The following PYM1 variants were observed in gnomAD, a reference collection of about 807,000 sequenced individuals.
PYM1 encodes the protein PYM1 exon junction complex associated factor.
Under a neutral mutation model 20.7 loss-of-function variants are expected in PYM1, and 7 were observed. The ratio of observed to expected loss-of-function variants is 0.34; its 90% CI spans 0.19 to 0.64. The LOEUF is 0.64. Among genes scored for constraint, PYM1 ranks in the 30% least tolerant of loss-of-function variants. The pLI, the probability that PYM1 is intolerant of heterozygous loss-of-function variation, is 0.74. For missense variants in PYM1, 194 were observed against 250.0 expected, an observed-to-expected ratio of 0.78 and a Z score of 1.51; for synonymous variants, 100 against 99.2, an observed-to-expected ratio of 1.01 and a Z score of -0.05.
chr12:55,920,823 T>C (rs905713346), intron 1 of PYM1, among the ~76,000 whole-genome samples: 1 of 152,156 alleles, frequency 6.6e-6, no homozygotes, highest in Non-Finnish European at 1.5e-5. Flanking sequence ...TTTTAAAAGA[T>C]GTTTACAGAG....
chr12:55,921,731 T>A (rs1883100919), intron 1 of PYM1, among the ~76,000 whole-genome samples: 1 of 152,076 alleles, frequency 6.6e-6, no homozygotes, highest in Admixed American at 6.6e-5. Context: ...TTCCCAATGT[T>A]CAAAACTGGA....
At chr12:55,916,808 G>GA (rs1260156398) in intron 1 of PYM1, among the ~76,000 whole-genome samples, 2 of 151,080 alleles carry the variant, frequency 1.3e-5, no homozygotes, top group East Asian at 3.9e-4. Context: ...CTCAAAAAAA[G>GA]AAAAAAAGAA....
At chr12:55,903,152 G>C (rs1882726495) in intron 2 of PYM1, among the ~76,000 whole-genome samples, 1 of 152,120 alleles carries the variant, frequency 6.6e-6, no homozygotes, top group Non-Finnish European at 1.5e-5. Context: ...GAAGTCCCTA[G>C]AACCTAAAGC....
At chr12:55,913,937 T>A (rs978778632) in intron 1 of PYM1, 3 of 184,326 alleles carry the variant, frequency 1.6e-5, no homozygotes, top group African/African-American at 7.1e-5. Flanking sequence ...AGAGTATACA[T>A]TCTAGTGAGA....
At chr12:55,922,726 A>T (rs1305865135) in intron 1 of PYM1, among the ~76,000 whole-genome samples, 1 of 152,194 alleles carries the variant, frequency 6.6e-6, no homozygotes, top group Non-Finnish European at 1.5e-5. Context: ...CAAAACACAT[A>T]ACCCAAATCT....
intron 1 of PYM1, among the ~76,000 whole-genome samples, chr12:55,924,974 C>T (rs973893784): frequency 2.6e-5 from 4 of 152,234 alleles, no homozygotes; most frequent in Admixed American, 6.5e-5. Flanking sequence ...CGTGAGCCGC[C>T]ATGCCCAGCA....
intron 1 of PYM1, among the ~76,000 whole-genome samples, chr12:55,921,851 A>C (rs1183717340): frequency 3.3e-5 from 5 of 152,178 alleles, no homozygotes; most frequent in Non-Finnish European, 7.3e-5. Flanking sequence ...GAAAAGAAAA[A>C]AATCTCCTGG....
chr12:55,909,405 C>T (rs1005433796), intron 1 of PYM1, among the ~76,000 whole-genome samples: 1 of 152,136 alleles, frequency 6.6e-6, no homozygotes, highest in Non-Finnish European at 1.5e-5. Context: ...ATGTTCAGAC[C>T]TTGAATACCA....
intron 1 of PYM1, among the ~76,000 whole-genome samples, chr12:55,908,837 G>T (rs1882871316): frequency 6.6e-6 from 1 of 151,840 alleles, no homozygotes; most frequent in African/African-American, 2.4e-5. Context: ...GGGTGACAGA[G>T]CAAGACTCTG....
chr12:55,908,716 T>C (rs920632121), intron 1 of PYM1, among the ~76,000 whole-genome samples: 6 of 151,466 alleles, frequency 4.0e-5, no homozygotes, highest in African/African-American at 1.5e-4. Flanking sequence ...CCAGGAGTGG[T>C]GGCTGGGCGT....
At chr12:55,923,903 C>G (rs1156390746) in intron 1 of PYM1, among the ~76,000 whole-genome samples, 2 of 151,924 alleles carry the variant, frequency 1.3e-5, no homozygotes, top group Non-Finnish European at 2.9e-5. Context: ...TGATGAAACC[C>G]TGTCTCTACT....
rs369831400 is a variant in PYM1 at position 55,901,503 on chromosome 12, G to A, written c.*369C>T. On this transcript the variant is annotated 3_prime_UTR_variant, in exon 3 of 3. Coordinates refer to ENST00000408946, the MANE Select transcript of PYM1 (RefSeq NM_032345.3). ...GAGAGGGAAATAACCCATAAACACC[G>A]CGAACAGGAACCAAGACTCCAAGAC... 104 of 181,580 alleles carry A rather than the reference G, an allele frequency of 5.7e-4. No individual in the cohort carries two copies. The highest frequency in any genetic ancestry group is 3.4e-4 in the African/African-American group (14 of 41,632). The allele number at this position is 181,580 out of a possible 1,614,324, so 11.2% of individuals were successfully genotyped here. A position where few individuals can be genotyped will look rare whatever the true frequency, so the allele number is the denominator to read the frequency against.
At chr12:55,917,179 G>C (rs965068889) in intron 1 of PYM1, among the ~76,000 whole-genome samples, 3 of 152,050 alleles carry the variant, frequency 2.0e-5, no homozygotes, top group Non-Finnish European at 2.9e-5. Context: ...CAGCACTTTG[G>C]GAGACCAAGA....
In PYM1 at chr12:55,909,988, C is replaced by T. The variant is rs148589469; in HGVS notation, c.38-6508G>A. ...GCCAAGATGGGAGGATCCCTTGAGC[C>T]CAGGCATTCAAGACCAGCCTGAGCA... On this transcript the variant is annotated intron_variant, in intron 1 of 2. Coordinates refer to ENST00000408946, the MANE Select transcript of PYM1 (RefSeq NM_032345.3). Among the ~76,000 whole-genome samples, 22 of 152,070 alleles carry T rather than the reference C, an allele frequency of 1.4e-4. 1 individual carries two copies. The East Asian group carries it at 4.3e-3, about 29-fold the overall frequency.
chr12:55,916,588 A>G (rs1347073630), intron 1 of PYM1, among the ~76,000 whole-genome samples: 1 of 152,124 alleles, frequency 6.6e-6, no homozygotes, highest in East Asian at 1.9e-4. Context: ...ACCTGAGGTC[A>G]GGAGTTCAAG....
rs1315713587 is a variant in PYM1, at chr12:55,912,874, G to C, written c.38-9394C>G. The stretch of plus-strand genomic sequence containing the variant: ...AGCTACTTGGGAGCCTGAGGCAGGA[G>C]AATCACTTGAACCCGGGAGGCGGAG... On this transcript the variant is annotated intron_variant, in intron 1 of 2. Coordinates refer to ENST00000408946, the MANE Select transcript of PYM1 (RefSeq NM_032345.3). Among the ~76,000 whole-genome samples the C allele has an allele frequency of 6.0e-5, 9 of 150,636 alleles. No homozygotes were observed. In the East Asian group the frequency reaches 1.8e-3, roughly 30 times the overall value.
intron 1 of PYM1, among the ~76,000 whole-genome samples, chr12:55,917,190 C>T (rs970240263): frequency 2.0e-5 from 3 of 151,698 alleles, no homozygotes; most frequent in Non-Finnish European, 4.4e-5. Flanking sequence ...GAGACCAAGA[C>T]GGGTGGATCA....
chr12:55,922,346 T>C (rs910428990), intron 1 of PYM1, among the ~76,000 whole-genome samples: 10 of 148,906 alleles, frequency 6.7e-5, no homozygotes, highest in African/African-American at 2.5e-4. Context: ...TAGTGACTCA[T>C]GCCTAGTAAT....
At chr12:55,917,269 A>C (rs1429725193) in intron 1 of PYM1, among the ~76,000 whole-genome samples, 1 of 150,482 alleles carries the variant, frequency 6.6e-6, no homozygotes, top group East Asian at 2.0e-4. Context: ...AAAATAAAAA[A>C]AATTAGCCGG....
Sources: allele counts gnomAD v4.1 joint callset (sites outside exome capture counted in the v4.1 genomes callset), GRCh38; gene constraint gnomAD v4.1.1; transcripts MANE v1.5; gene names NCBI Gene and HGNC (gene_info 2026-07-23, HGNC 2026-07-21).